Variants in ZC2HC1A observed in about 807,000 individuals in gnomAD.
ZC2HC1A encodes zinc finger C2HC domain-containing protein 1A.
ZC2HC1A carries 28 observed loss-of-function variants against 40.7 expected under a neutral mutation model. The ratio of observed to expected loss-of-function variants is 0.69; its 90% CI spans 0.51 to 0.94. ZC2HC1A has a LOEUF of 0.94. Ranked by LOEUF, ZC2HC1A falls within the 40% of genes least tolerant of loss-of-function variation. ZC2HC1A has a pLI of 0.00. For missense variants in ZC2HC1A, 389 were observed against 386.3 expected (o/e 1.01, Z -0.06); for synonymous variants, 129 against 129.2 (o/e 1.00, Z 0.01).
chr8:78,680,706 G>A (rs942968322), intron 3 of ZC2HC1A, among the ~76,000 whole-genome samples: 2 of 152,162 alleles, frequency 1.3e-5, no homozygotes, highest in Non-Finnish European at 2.9e-5. Flanking sequence ...TTGAAATCCA[G>A]GAGAAATTAC....
In ZC2HC1A at chr8:78,698,510, C is replaced by T. The variant is rs376000246; in HGVS notation, c.701C>T (p.Ala234Val). 1.3e-5 allele frequency: 20 copies of T among 1,599,678 alleles called. No homozygotes were observed. The highest frequency in any genetic ancestry group is 1.6e-5 in the Non-Finnish European group (19 of 1,169,478). Reference protein sequence around the residue: ...PSHKGIAAPHAGANVKPRNST... With the variant: ...PSHKGIAAPHVGANVKPRNST... ...CATAAAGGGATAGCAGCCCCTCATG[C>T]AGGGTAAGTCTACACTGGATATAAT... Residue 234 changes from alanine to valine, a missense_variant, in exon 7 of 9, where the codon GCA becomes GTA. By Grantham distance (64) the Ala-to-Val change is moderately conservative (BLOSUM62 0). Coordinates refer to ENST00000263849, the MANE Select transcript of ZC2HC1A (RefSeq NM_016010.3).
chr8:78,687,519 TATA>T (rs1445612450), intron 4 of ZC2HC1A, among the ~76,000 whole-genome samples: 1 of 144,058 alleles, frequency 6.9e-6, no homozygotes, highest in Non-Finnish European at 1.5e-5. Context: ...TATATATTTA[TATA>T]ATAAATTATA....
chr8:78,675,616 AAC>A (rs1255270801), intron 1 of ZC2HC1A, 169 bp from the exon 2 acceptor site: 2 of 568,938 alleles, frequency 3.5e-6, no homozygotes, highest in African/African-American at 3.9e-5. Flanking sequence ...CACCACTGAT[AAC>A]TAAGTATTAT....
At chr8:78,676,825 G>A (rs1458532504) in intron 2 of ZC2HC1A, among the ~76,000 whole-genome samples, 1 of 151,494 alleles carries the variant, frequency 6.6e-6, no homozygotes, top group Non-Finnish European at 1.5e-5. Context: ...CAAAAAAAAA[G>A]TGCCTTTTTT....
intron 5 of ZC2HC1A, among the ~76,000 whole-genome samples, chr8:78,694,191 G>T (rs1810319913): frequency 6.6e-6 from 1 of 150,476 alleles, no homozygotes; most frequent in African/African-American, 2.4e-5. Context: ...TTTCATAGTT[G>T]TCTGCTATTT....
chr8:78,695,642 C>CT (rs1563631327), intron 5 of ZC2HC1A, among the ~76,000 whole-genome samples: 1 of 152,096 alleles, frequency 6.6e-6, no homozygotes, highest in African/African-American at 2.4e-5. Context: ...TTTCTAATGT[C>CT]TGTCTTTCTC....
At chr8:78,686,657 G>C in intron 4 of ZC2HC1A, 49 bp downstream of exon 4, 1 of 1,404,326 alleles carries the variant, frequency 7.1e-7, no homozygotes, top group East Asian at 2.6e-5. Context: ...AGAAAATAAT[G>C]ATAGAGTTTT....
intron 7 of ZC2HC1A, among the ~76,000 whole-genome samples, chr8:78,706,376 G>A (rs551691855): frequency 1.3e-5 from 2 of 152,228 alleles, no homozygotes; most frequent in East Asian, 3.9e-4. Context: ...GGAGTTCCTG[G>A]GTCTTTGCCT....
chr8:78,674,905 T>C (rs1161624980), intron 1 of ZC2HC1A, among the ~76,000 whole-genome samples: 1 of 152,084 alleles, frequency 6.6e-6, no homozygotes, highest in Non-Finnish European at 1.5e-5. Context: ...AATTTTAGCA[T>C]CTCTAAAATA....
chr8:78,687,853 ATAAT>A (rs1810067073), intron 4 of ZC2HC1A, among the ~76,000 whole-genome samples: 1 of 87,388 alleles, frequency 1.1e-5, no homozygotes, highest in Non-Finnish European at 2.9e-5. Context: ...ATATATTTAT[ATAAT>A]ATATATCTAT....
intron 2 of ZC2HC1A, among the ~76,000 whole-genome samples, chr8:78,677,168 C>G (rs1379046802): frequency 6.6e-6 from 1 of 151,936 alleles, no homozygotes; most frequent in East Asian, 1.9e-4. Context: ...GTTCTACCTT[C>G]TTTAGTGTTT....
chr8:78,687,597 T>C (rs948730650), intron 4 of ZC2HC1A, among the ~76,000 whole-genome samples: 2 of 140,174 alleles, frequency 1.4e-5, no homozygotes, highest in African/African-American at 5.2e-5. Context: ...AAATTATATA[T>C]ATTTACATAA....
At chr8:78,675,042 T>A (rs1809535305) in intron 1 of ZC2HC1A, among the ~76,000 whole-genome samples, 1 of 151,838 alleles carries the variant, frequency 6.6e-6, no homozygotes, top group Non-Finnish European at 1.5e-5. Context: ...TTATGCAGAA[T>A]CACAAAGAAT....
intron 2 of ZC2HC1A, among the ~76,000 whole-genome samples, chr8:78,677,777 A>G (rs7839152): frequency 0.69 from 104,199 of 151,968 alleles, 36,569 homozygotes; most frequent in East Asian, 0.91. Flanking sequence ...TGGATTTTGC[A>G]CAGGAAACAA....
intron 7 of ZC2HC1A, among the ~76,000 whole-genome samples, chr8:78,702,825 T>C (rs74331279): frequency 0.023 from 3,563 of 152,304 alleles, 70 homozygotes; most frequent in Middle Eastern, 0.075. Flanking sequence ...TTTGAGAGAA[T>C]ATTTGTTATG....
chr8:78,711,315 C>G (rs1466653381), intron 7 of ZC2HC1A, among the ~76,000 whole-genome samples: 1 of 152,088 alleles, frequency 6.6e-6, no homozygotes, highest in Non-Finnish European at 1.5e-5. Context: ...ATCCTACAAA[C>G]CTGCAGTTTG....
At chr8:78,703,738 T>C (rs1461189371) in intron 7 of ZC2HC1A, among the ~76,000 whole-genome samples, 1 of 152,162 alleles carries the variant, frequency 6.6e-6, no homozygotes, top group Admixed American at 6.5e-5. Context: ...TCAAAATACT[T>C]GCCACTCTGT....
intron 7 of ZC2HC1A, among the ~76,000 whole-genome samples, chr8:78,706,337 G>T (rs1012030521): frequency 2.6e-5 from 4 of 152,140 alleles, no homozygotes. Context: ...TGCTTTGCTG[G>T]AGTTGCAGTT....
intron 7 of ZC2HC1A, among the ~76,000 whole-genome samples, chr8:78,711,436 T>G (rs1810946967): frequency 6.6e-6 from 1 of 151,608 alleles, no homozygotes; most frequent in East Asian, 1.9e-4. Context: ...TCATCCATGT[T>G]TTTTTTTTCC....
Sources: allele counts gnomAD v4.1 joint callset (sites outside exome capture counted in the v4.1 genomes callset), GRCh38; gene constraint gnomAD v4.1.1; transcripts MANE v1.5; gene names NCBI Gene and HGNC (gene_info 2026-07-23, HGNC 2026-07-21).